The following MAST4 variants were observed in gnomAD, a reference collection of about 807,000 sequenced individuals.
MAST4 encodes the protein microtubule associated serine/threonine kinase family member 4.
In MAST4, 89 loss-of-function variants were observed where a neutral mutation model predicts 162.7. The ratio of observed to expected loss-of-function variants is 0.55; its 90% CI spans 0.46 to 0.65. The LOEUF (loss-of-function observed/expected upper bound fraction) is 0.65. Among genes scored for constraint, MAST4 ranks in the 30% least tolerant of loss-of-function variants. The pLI is 0.00. For missense variants in MAST4, 3,153 were observed against 3,374.0 expected (o/e 0.93, Z 1.62); for synonymous variants, 1,479 against 1,361.1 (o/e 1.09, Z -1.91).
intron 3 of MAST4, among the ~76,000 whole-genome samples, chr5:66,836,881 C>T (rs1758004825): frequency 6.6e-6 from 1 of 152,056 alleles, no homozygotes; most frequent in Non-Finnish European, 1.5e-5. Flanking sequence ...ACACTAAACT[C>T]TCATAACACA....
chr5:67,037,062 GA>G (rs748856455), intron 4 of MAST4, among the ~76,000 whole-genome samples: 1 of 152,094 alleles, frequency 6.6e-6, no homozygotes, highest in Non-Finnish European at 1.5e-5. Flanking sequence ...CCACATAAAA[GA>G]GGTCGTTAAT....
intron 3 of MAST4, among the ~76,000 whole-genome samples, chr5:66,862,576 C>T (rs911736341): frequency 6.6e-6 from 1 of 152,160 alleles, no homozygotes. Flanking sequence ...TAGTCTAAGA[C>T]CCACACATTT....
chr5:66,800,729 A>G (rs1755878863), intron 3 of MAST4, among the ~76,000 whole-genome samples: 1 of 152,144 alleles, frequency 6.6e-6, no homozygotes, highest in Non-Finnish European at 1.5e-5. Context: ...TAAAAAGACC[A>G]CTAGAAAAAA....
chr5:66,687,857 T>C (rs140814348), intron 1 of MAST4, among the ~76,000 whole-genome samples: 2 of 152,314 alleles, frequency 1.3e-5, no homozygotes, highest in East Asian at 3.9e-4. Flanking sequence ...CAATTTTATT[T>C]TTAAGGATGA....
intron 1 of MAST4, among the ~76,000 whole-genome samples, chr5:66,699,504 C>G (rs1459693914): frequency 6.6e-6 from 1 of 152,014 alleles, no homozygotes; most frequent in Non-Finnish European, 1.5e-5. Flanking sequence ...GTCTCATGGA[C>G]CAACCCAAAT....
At chr5:66,768,545 A>G (rs1754214045) in intron 2 of MAST4, among the ~76,000 whole-genome samples, 1 of 152,206 alleles carries the variant, frequency 6.6e-6, no homozygotes, top group African/African-American at 2.4e-5. Flanking sequence ...AAGAGGTTAT[A>G]CTGTATAATT....
At chr5:66,717,610 T>A (rs1750922931) in intron 1 of MAST4, among the ~76,000 whole-genome samples, 1 of 152,200 alleles carries the variant, frequency 6.6e-6, no homozygotes, top group Non-Finnish European at 1.5e-5. Context: ...GAAATGAGTT[T>A]CTCACTCCAC....
intron 3 of MAST4, among the ~76,000 whole-genome samples, chr5:66,893,402 T>C (rs1472707904): frequency 1.0e-4 from 15 of 145,650 alleles, no homozygotes; most frequent in Admixed American, 7.0e-5. Context: ...GTGTGTGTCT[T>C]TTTTTTGGTA....
intron 3 of MAST4, among the ~76,000 whole-genome samples, chr5:66,899,637 T>C (rs1220953978): frequency 6.6e-6 from 1 of 152,192 alleles, no homozygotes; most frequent in Non-Finnish European, 1.5e-5. Context: ...TCTTTGCTTC[T>C]TCAGATTTTC....
At chr5:66,647,468 A>G (rs542616544) in intron 1 of MAST4, among the ~76,000 whole-genome samples, 94 of 152,284 alleles carry the variant, frequency 6.2e-4, no homozygotes, top group Middle Eastern at 6.8e-3. Flanking sequence ...TCAATAATGT[A>G]TAAAGGAGGT....
At chr5:66,800,544 G>T (rs1755866547) in intron 3 of MAST4, among the ~76,000 whole-genome samples, 1 of 152,088 alleles carries the variant, frequency 6.6e-6, no homozygotes, top group Non-Finnish European at 1.5e-5. Context: ...GCCTGCTTGA[G>T]GGTGGAGGGT....
intron 1 of MAST4, among the ~76,000 whole-genome samples, chr5:66,735,833 G>C (rs1413301433): frequency 6.6e-6 from 1 of 152,154 alleles, no homozygotes; most frequent in Non-Finnish European, 1.5e-5. Context: ...GTAATTACTC[G>C]AGAAATGCTT....
At chr5:66,763,335 T>C (rs536677319) in intron 2 of MAST4, among the ~76,000 whole-genome samples, 2 of 152,322 alleles carry the variant, frequency 1.3e-5, no homozygotes, top group South Asian at 4.2e-4. Flanking sequence ...AGTCGTTTAA[T>C]TGTAAAAATA....
At chr5:67,118,039 A>G (rs1477675946) in intron 12 of MAST4, among the ~76,000 whole-genome samples, 2 of 152,238 alleles carry the variant, frequency 1.3e-5, no homozygotes, top group East Asian at 1.9e-4. Flanking sequence ...TATCACATAC[A>G]GTACAAAAAA....
chr5:67,149,311 C>T (rs1771493572), intron 23 of MAST4, 78 bp from the exon 24 acceptor site: 1 of 1,303,256 alleles, frequency 7.7e-7, no homozygotes, highest in Non-Finnish European at 1.1e-6. Flanking sequence ...ACTCTTCCTG[C>T]TGTCTCTCTC....
chr5:66,865,663 T>C (rs2149853248), intron 3 of MAST4, among the ~76,000 whole-genome samples: 1 of 152,326 alleles, frequency 6.6e-6, no homozygotes, highest in Non-Finnish European at 1.5e-5. Flanking sequence ...ACCTAAAGCA[T>C]TTATAATGAG....
At chr5:66,813,421 A>G (rs1335477825) in intron 3 of MAST4, among the ~76,000 whole-genome samples, 10 of 152,348 alleles carry the variant, frequency 6.6e-5, no homozygotes, top group Admixed American at 5.9e-4. Flanking sequence ...AAATGAAAGG[A>G]AACAGTTTAT....
rs544017728 is a variant in MAST4 at position 67,165,936 on chromosome 5, A to G, written c.6757A>G (p.Thr2253Ala). The part of the protein sequence containing the change: ...SKSGPDVFPA[T>A]PGSQNKASDG... ...GAGTGGGCCGGATGTGTTTCCTGCT[A>G]CCCCAGGCTCCCAGAACAAAGCCAG... The change falls in exon 29 of 29, where the codon ACC becomes GCC. Residue 2253 changes from threonine (T) to alanine (A), a missense_variant. By Grantham distance (58) the Thr-to-Ala change is moderately conservative. Around this residue, in one of 7 missense-constraint regions of MAST4, gnomAD observed 1,644 missense variants for 1,495.0 expected, o/e 1.10. Transcript: ENST00000403625. 1.2e-6 allele frequency: 2 copies of G among 1,613,304 alleles called. No individual in the cohort carries two copies.
chr5:66,922,003 A>G (rs902412884), intron 4 of MAST4, among the ~76,000 whole-genome samples: 1 of 152,274 alleles, frequency 6.6e-6, no homozygotes, highest in East Asian at 1.9e-4. Flanking sequence ...ATTTTGCCTT[A>G]GTCCACTGCT....
Sources: allele counts gnomAD v4.1 joint callset (sites outside exome capture counted in the v4.1 genomes callset), GRCh38; gene constraint gnomAD v4.1.1; regional missense constraint gnomAD v4.1.1; transcripts MANE v1.5; gene names NCBI Gene and HGNC (gene_info 2026-07-23, HGNC 2026-07-21).